Variants in IQGAP1 observed in about 807,000 individuals in gnomAD.
IQGAP1 encodes the protein IQ motif containing GTPase activating protein 1.
In IQGAP1, 66 loss-of-function variants were observed where a neutral mutation model predicts 215.6. The ratio of observed to expected loss-of-function variants is 0.31; its 90% CI spans 0.25 to 0.38. The LOEUF (loss-of-function observed/expected upper bound fraction) is 0.38, where lower values mean the gene tolerates loss of function less well. IQGAP1 is among the 10% of genes least tolerant of loss of function. The pLI is 1.00. For synonymous variants in IQGAP1, 772 were observed against 728.7 expected, an observed-to-expected ratio of 1.06 and a Z score of -0.96; for missense variants, 1,712 against 1,997.1, an observed-to-expected ratio of 0.86 and a Z score of 2.72.
chr15:90,490,162 C>G (rs1326169734), intron 33 of IQGAP1, among the ~76,000 whole-genome samples: 1 of 152,168 alleles, frequency 6.6e-6, no homozygotes, highest in Non-Finnish European at 1.5e-5. Context: ...ACAAACAGCT[C>G]AGAATATGGC....
chr15:90,490,863 C>T (rs1039152540), intron 33 of IQGAP1, among the ~76,000 whole-genome samples: 8 of 152,150 alleles, frequency 5.3e-5, no homozygotes, highest in Non-Finnish European at 7.4e-5. Context: ...GACTGGAGTG[C>T]AGTGGCGCGA....
chr15:90,488,709 G>A (rs776852457), intron 33 of IQGAP1, among the ~76,000 whole-genome samples: 17 of 152,238 alleles, frequency 1.1e-4, no homozygotes, highest in East Asian at 9.6e-4. Context: ...AAGTGGAACC[G>A]GAGCCAGATG....
chr15:90,483,795 T>C (rs1203378393), intron 29 of IQGAP1, among the ~76,000 whole-genome samples: 3 of 152,226 alleles, frequency 2.0e-5, no homozygotes, highest in African/African-American at 7.2e-5. Context: ...TTAACACTTA[T>C]GAAATAGATA....
intron 9 of IQGAP1, 76 bp from the exon 10 acceptor site, chr15:90,448,497 G>A (rs758292024): frequency 4.5e-6 from 6 of 1,334,130 alleles, no homozygotes; most frequent in Non-Finnish European, 6.0e-6. Context: ...ACTGAGATTG[G>A]TTTTGGGGAA....
chr15:90,454,509 T>C lies in IQGAP1; in HGVS notation c.1569T>C (p.Ala523=), dbSNP rs756273711. ...NEFITWNDIQ[A]CVDHVNLVVQ... Reference sequence around the variant, plus strand: ...TCATTACATGGAATGATATCCAAGCTTGCGTGGACCATGTGAACCTGGTGG... The same window carrying C: ...TCATTACATGGAATGATATCCAAGCCTGCGTGGACCATGTGAACCTGGTGG... The change falls in exon 14 of 38, where the codon GCT becomes GCC. Residue 523 remains alanine (A), a synonymous_variant. Coordinates refer to ENST00000268182, the MANE Select transcript of IQGAP1 (RefSeq NM_003870.4). The C allele has an allele frequency of 1.2e-6, 2 of 1,607,384 alleles. No homozygotes were observed. Among genetic ancestry groups the C allele is most frequent in the South Asian group, 1.1e-5 (1 of 90,072 alleles).
At chr15:90,396,050 C>G (rs1476258063) in intron 2 of IQGAP1, among the ~76,000 whole-genome samples, 1 of 152,152 alleles carries the variant, frequency 6.6e-6, no homozygotes, top group Non-Finnish European at 1.5e-5. Context: ...GTCAGCAACT[C>G]CACGGTGATA....
chr15:90,464,300 A>G (rs1965800834), intron 15 of IQGAP1, among the ~76,000 whole-genome samples: 1 of 152,162 alleles, frequency 6.6e-6, no homozygotes, highest in African/African-American at 2.4e-5. Flanking sequence ...AATCTGCTGA[A>G]TTGATGCTCT....
At chr15:90,433,934 C>A in intron 5 of IQGAP1, 139 bp downstream of exon 5, 1 of 476,728 alleles carries the variant, frequency 2.1e-6, no homozygotes, top group Non-Finnish European at 3.7e-6. Context: ...ATACTATTAT[C>A]CGAACAAAAT....
Position 90,456,247 on chromosome 15 carries a change from G to C in IQGAP1, c.1708G>C (p.Gly570Arg). 3.7e-6 allele frequency: 6 copies of C among 1,614,078 alleles called. No individual in the cohort carries two copies. The highest frequency in any genetic ancestry group is 5.1e-6 in the Non-Finnish European group (6 of 1,179,984). Residue 570 changes from glycine (G) to arginine (R), a missense_variant, in exon 15 of 38, where the codon GGA becomes CGA. Gly to Arg is a moderately radical substitution (Grantham distance 125). This residue lies in a region of IQGAP1 where 1,021 missense variants were observed against 1,074.2 expected (regional missense o/e 0.95). Coordinates refer to ENST00000268182, the MANE Select transcript of IQGAP1 (RefSeq NM_003870.4). The part of the protein sequence containing the change: ...ALQIPAAKLE[G>R]VLAEVAQHYQ... Reference sequence around the variant, plus strand: ...ACAGATTCCTGCAGCTAAACTTGAGGGAGTCCTTGCAGAAGTGGCCCAGCA... The same window carrying C: ...ACAGATTCCTGCAGCTAAACTTGAGCGAGTCCTTGCAGAAGTGGCCCAGCA...
At chr15:90,397,279 A>T (rs538330158) in intron 2 of IQGAP1, among the ~76,000 whole-genome samples, 1 of 152,206 alleles carries the variant, frequency 6.6e-6, no homozygotes, top group Non-Finnish European at 1.5e-5. Context: ...ATTCAAAAGT[A>T]TGAATAAAAT....
chr15:90,419,728 C>T (rs8023814), intron 2 of IQGAP1, among the ~76,000 whole-genome samples: 1,991 of 152,150 alleles, frequency 0.013, 35 homozygotes, highest in African/African-American at 0.046. Context: ...GCTCTATATT[C>T]GGGGAAAAAC....
rs1030420602 is a variant in IQGAP1, at chr15:90,403,508, A to G, written c.155+12635A>G. Among the ~76,000 whole-genome samples, 27 of 152,326 alleles carry G rather than the reference A, an allele frequency of 1.8e-4. 1 individual carries two copies. The highest frequency in any genetic ancestry group is 3.4e-3 in the Middle Eastern group (1 of 294). ...GACTATGCAAGTATATAACACTGAA[A>G]AAAAGTCTATATCCTTAGTCTTCTT... On this transcript the variant is annotated intron_variant, in intron 2 of 37. Transcript: ENST00000268182.
At chr15:90,394,135 CAAAAAAAA>C (rs56810085) in intron 2 of IQGAP1, among the ~76,000 whole-genome samples, 1 of 74,398 alleles carries the variant, frequency 1.3e-5, no homozygotes, top group Non-Finnish European at 2.4e-5. Context: ...AACTCTGTCT[CAAAAAAAA>C]AAAAAAAAAA....
At chr15:90,477,470 A>G (rs1965995659) in intron 25 of IQGAP1, among the ~76,000 whole-genome samples, 195 bp from the exon 26 acceptor site, 1 of 151,870 alleles carries the variant, frequency 6.6e-6, no homozygotes, top group Admixed American at 6.6e-5. Flanking sequence ...ATCTGAACAG[A>G]AAGAATTCAC....
chr15:90,421,886 C>G (rs1038701888), intron 2 of IQGAP1, among the ~76,000 whole-genome samples: 1 of 152,168 alleles, frequency 6.6e-6, no homozygotes, highest in East Asian at 1.9e-4. Flanking sequence ...TTCTCCAATT[C>G]CTGACCTCAA....
chr15:90,396,135 A>G (rs898016391), intron 2 of IQGAP1, among the ~76,000 whole-genome samples: 2 of 152,216 alleles, frequency 1.3e-5, no homozygotes, highest in Non-Finnish European at 2.9e-5. Context: ...CTTGGAAAGA[A>G]ATTAGTTCTT....
intron 11 of IQGAP1, among the ~76,000 whole-genome samples, chr15:90,451,729 T>C (rs1965607000): frequency 6.6e-6 from 1 of 152,046 alleles, no homozygotes; most frequent in Non-Finnish European, 1.5e-5. Context: ...GTCTTTTCCC[T>C]GATGTGTGTT....
At chr15:90,443,920 C>T (rs529294553) in intron 9 of IQGAP1, among the ~76,000 whole-genome samples, 8 of 151,756 alleles carry the variant, frequency 5.3e-5, no homozygotes, top group Admixed American at 3.3e-4. Flanking sequence ...AAAAATTAGC[C>T]GGGCATGGTG....
At position 90,472,891 on chromosome 15, in the gene IQGAP1, G is replaced by A. The variant is rs760441867; in HGVS notation, c.2230G>A (p.Ala744Thr). The A allele has an allele frequency of 6.2e-7, 1 of 1,613,864 alleles. No individual in the cohort carries two copies. Among genetic ancestry groups the A allele is most frequent in the South Asian group, 1.1e-5 (1 of 91,056 alleles). Reference sequence around the variant, plus strand: ...ATATAACCGAGAACAGCTGTGGCTGGCCAATGAAGGCCTGATCACCAGGCT... The same window carrying A: ...ATATAACCGAGAACAGCTGTGGCTGACCAATGAAGGCCTGATCACCAGGCT... ...AAYNREQLWL[A>T]NEGLITRLQA... The change falls in exon 19 of 38, where the codon GCC becomes ACC. Residue 744 changes from alanine to threonine, a missense_variant. This residue lies in a region of IQGAP1 where 1,021 missense variants were observed against 1,074.2 expected (regional missense o/e 0.95). Coordinates refer to ENST00000268182, the MANE Select transcript of IQGAP1 (RefSeq NM_003870.4).
Sources: allele counts gnomAD v4.1 joint callset (sites outside exome capture counted in the v4.1 genomes callset), GRCh38; gene constraint gnomAD v4.1.1; regional missense constraint gnomAD v4.1.1; transcripts MANE v1.5; gene names NCBI Gene and HGNC (gene_info 2026-07-23, HGNC 2026-07-21).